Variants in MAML2 observed in about 807,000 individuals in gnomAD.
The protein encoded by MAML2 is mastermind like transcriptional coactivator 2.
MAML2 carries 22 observed loss-of-function variants against 96.1 expected under a neutral mutation model. The observed-to-expected ratio is 0.23, with a 90% CI of 0.16 to 0.33. MAML2 has a LOEUF of 0.33. MAML2 is among the 10% of genes least tolerant of loss of function. The probability of loss-of-function intolerance (pLI) is 1.00; values close to 1 mark genes in which losing one functional copy is unlikely to be tolerated. For synonymous variants in MAML2, 561 were observed against 521.3 expected (o/e 1.08, Z -1.04); for missense variants, 1,367 against 1,392.4 (o/e 0.98, Z 0.29).
chr11:96,282,943 C>G (rs1336245965), intron 1 of MAML2, among the ~76,000 whole-genome samples: 2 of 152,176 alleles, frequency 1.3e-5, no homozygotes, highest in Non-Finnish European at 2.9e-5. Flanking sequence ...CACTTTCTAG[C>G]AGACAATTCA....
At chr11:96,240,743 CCTA>C (rs1371883270) in intron 1 of MAML2, among the ~76,000 whole-genome samples, 1 of 151,824 alleles carries the variant, frequency 6.6e-6, no homozygotes, top group African/African-American at 2.4e-5. Flanking sequence ...AATTAGTCTT[CCTA>C]CTAAATGAAA....
chr11:96,187,197 G>T (rs1157818432), intron 1 of MAML2, among the ~76,000 whole-genome samples: 1 of 152,178 alleles, frequency 6.6e-6, no homozygotes, highest in Non-Finnish European at 1.5e-5. Flanking sequence ...TAGAAGCTAA[G>T]TGTGATAGCT....
chr11:95,979,858 C>G lies in MAML2; in HGVS notation c.2561G>C (p.Gly854Ala). Reference protein sequence around the residue: ...PNSSLLSTSHGTRMPSLSTAV... With the variant: ...PNSSLLSTSHATRMPSLSTAV... ...TGTAGATAATGATGGCATTCTTGTC[C>G]CGTGAGAAGTAGACAGGAGGCTGGA... Residue 854 changes from glycine to alanine, a missense_variant, in exon 5 of 5, where the codon GGG becomes GCG. Gly to Ala is a moderately conservative substitution (Grantham distance 60). Transcript: ENST00000524717. The G allele has an allele frequency of 6.2e-7, 1 of 1,613,810 alleles. No individual in the cohort carries two copies. Among genetic ancestry groups the G allele is most frequent in the Non-Finnish European group, 8.5e-7 (1 of 1,179,860 alleles).
At chr11:96,210,071 T>C (rs1861947897) in intron 1 of MAML2, among the ~76,000 whole-genome samples, 1 of 152,172 alleles carries the variant, frequency 6.6e-6, no homozygotes, top group African/African-American at 2.4e-5. Flanking sequence ...TTCTCAATAA[T>C]GACTACAAAA....
intron 1 of MAML2, among the ~76,000 whole-genome samples, chr11:96,320,958 T>C (rs546403777): frequency 1.3e-5 from 2 of 152,310 alleles, no homozygotes; most frequent in African/African-American, 4.8e-5. Context: ...TCAGGGCTTA[T>C]CTGCCTCGGA....
chr11:96,250,827 A>G (rs533965028), intron 1 of MAML2, among the ~76,000 whole-genome samples: 9 of 152,346 alleles, frequency 5.9e-5, no homozygotes, highest in South Asian at 4.1e-4. Flanking sequence ...ATAGTAACTT[A>G]TTTGGTGATA....
chr11:95,980,611 C>T (rs150651219), intron 4 of MAML2, among the ~76,000 whole-genome samples: 23 of 152,352 alleles, frequency 1.5e-4, no homozygotes, highest in African/African-American at 5.5e-4. Context: ...ACTCAATGCA[C>T]TGTGAGCCAC....
intron 1 of MAML2, among the ~76,000 whole-genome samples, chr11:96,337,073 C>A (rs902287507): frequency 1.3e-5 from 2 of 152,094 alleles, no homozygotes; most frequent in Admixed American, 1.3e-4. Context: ...AACCCTTTTG[C>A]CTTTGTGAGA....
intron 1 of MAML2, among the ~76,000 whole-genome samples, chr11:96,290,541 A>G (rs1197279451): frequency 6.6e-6 from 1 of 152,222 alleles, no homozygotes; most frequent in Non-Finnish European, 1.5e-5. Context: ...TCAAGATCTC[A>G]TATGATCCAC....
At chr11:96,111,273 T>C (rs1023264027) in intron 1 of MAML2, among the ~76,000 whole-genome samples, 3 of 152,208 alleles carry the variant, frequency 2.0e-5, no homozygotes, top group Admixed American at 6.5e-5. Flanking sequence ...CAGGTGCTTT[T>C]TTCCTCCTTT....
chr11:96,076,055 T>G (rs1859429259), intron 2 of MAML2, among the ~76,000 whole-genome samples: 1 of 152,200 alleles, frequency 6.6e-6, no homozygotes. Context: ...TCCTCTCTCC[T>G]GCAAGGCCTA....
intron 1 of MAML2, among the ~76,000 whole-genome samples, chr11:96,142,016 C>A (rs1335072902): frequency 6.6e-6 from 1 of 152,218 alleles, no homozygotes; most frequent in African/African-American, 2.4e-5. Context: ...GTATAGCATG[C>A]AGTCTGTTAT....
chr11:96,064,326 A>G (rs1250954092), intron 2 of MAML2, among the ~76,000 whole-genome samples: 1 of 152,230 alleles, frequency 6.6e-6, no homozygotes, highest in African/African-American at 2.4e-5. Flanking sequence ...GCTCTAGAAA[A>G]TAATAAGTTC....
chr11:96,304,060 C>G lies in MAML2; in HGVS notation c.513+37323G>C, dbSNP rs185690512. 3.9e-5 allele frequency among the ~76,000 whole-genome samples: 6 copies of G among 152,264 alleles called. No homozygotes were observed. The East Asian group carries it at 1.2e-3, about 29-fold the overall frequency. Reference sequence around the variant, plus strand: ...TGTACCTCCTTCTCGAATTCAGCACCGTTTGATCTTTGATCATCACAGAAT... The same window carrying G: ...TGTACCTCCTTCTCGAATTCAGCACGGTTTGATCTTTGATCATCACAGAAT... On this transcript the variant is annotated intron_variant, in intron 1 of 4. Coordinates refer to ENST00000524717, the MANE Select transcript of MAML2 (RefSeq NM_032427.4).
intron 1 of MAML2, among the ~76,000 whole-genome samples, chr11:96,094,110 C>A (rs1859785941): frequency 6.6e-6 from 1 of 152,098 alleles, no homozygotes; most frequent in South Asian, 2.1e-4. Flanking sequence ...CCTATAATTC[C>A]ACTGCTTTGC....
At chr11:96,200,110 A>C (rs1203756188) in intron 1 of MAML2, among the ~76,000 whole-genome samples, 1 of 152,232 alleles carries the variant, frequency 6.6e-6, no homozygotes. Context: ...GAATTTAGTT[A>C]TATTATTATC....
intron 1 of MAML2, among the ~76,000 whole-genome samples, chr11:96,292,061 A>G (rs1376176098): frequency 6.6e-6 from 1 of 152,260 alleles, no homozygotes; most frequent in African/African-American, 2.4e-5. Context: ...TAGCAAATGC[A>G]TATAACAAAT....
At chr11:96,240,804 C>A (rs570079008) in intron 1 of MAML2, among the ~76,000 whole-genome samples, 9 of 152,180 alleles carry the variant, frequency 5.9e-5, no homozygotes, top group African/African-American at 2.2e-4. Context: ...TGAAAAGTCT[C>A]ATTGAAGTAC....
intron 1 of MAML2, among the ~76,000 whole-genome samples, chr11:96,293,793 G>A (rs751585590): frequency 2.6e-5 from 4 of 152,178 alleles, no homozygotes; most frequent in African/African-American, 7.2e-5. Context: ...ATTGGTCAAC[G>A]TTTCACATAA....
Sources: gnomAD v4.1 joint callset for allele counts (sites outside exome capture counted in the v4.1 genomes callset) on GRCh38, gnomAD v4.1.1 for gene constraint, MANE v1.5 for transcripts, NCBI Gene and HGNC (gene_info 2026-07-23, HGNC 2026-07-21) for gene names.